SLC12A6: variants seen among roughly 807,000 people sequenced by gnomAD.
SLC12A6 encodes the protein solute carrier family 12 member 6.
A neutral mutation model predicts 135.3 loss-of-function variants in SLC12A6; 66 were observed. That is an observed-to-expected ratio of 0.49 (90% CI 0.40 to 0.60). The LOEUF is 0.60. Ranked by LOEUF, SLC12A6 falls within the 20% of genes least tolerant of loss-of-function variation. The probability of loss-of-function intolerance (pLI) is 0.00; values close to 1 mark genes in which losing one functional copy is unlikely to be tolerated. For synonymous variants in SLC12A6, 513 were observed against 508.8 expected (o/e 1.01, Z -0.11); for missense variants, 1,058 against 1,452.3 (o/e 0.73, Z 4.41).
intron 3 of SLC12A6, among the ~76,000 whole-genome samples, chr15:34,265,402 TAAAAAAAA>T (rs35044445): frequency 1.7e-5 from 2 of 119,826 alleles, no homozygotes; most frequent in East Asian, 4.4e-4. Context: ...CAACAGCAAT[TAAAAAAAA>T]AAAAACAAAC....
chr15:34,286,414 T>C (rs1895083116), intron 2 of SLC12A6, among the ~76,000 whole-genome samples: 2 of 152,032 alleles, frequency 1.3e-5, no homozygotes, highest in African/African-American at 4.8e-5. Context: ...AAAAATTGTA[T>C]TTGACTCCGT....
At position 34,233,142 on chromosome 15, in the gene SLC12A6, G is replaced by T. The variant is rs1891046583; in HGVS notation, c.*739C>A. On this transcript the variant is annotated 3_prime_UTR_variant, in exon 26 of 26. Coordinates refer to ENST00000354181, the MANE Select transcript of SLC12A6 (RefSeq NM_001365088.1). ...TCGGCCATTTGAAAGGAACCTGAAAGAAATAATTTTTACCTTACCAAAAAC... is the reference window on the plus strand; with the variant it reads ...TCGGCCATTTGAAAGGAACCTGAAATAAATAATTTTTACCTTACCAAAAAC... The T allele has an allele frequency of 6.6e-6, 1 of 152,184 alleles. No homozygotes were observed. The highest frequency in any genetic ancestry group is 2.1e-4 in the South Asian group (1 of 4,828). 9.4% of individuals were successfully genotyped at this position (152,184 alleles called of 1,614,324 possible).
chr15:34,309,235 T>C lies in SLC12A6; in HGVS notation c.271+27175A>G, dbSNP rs185115149. On this transcript the variant is annotated intron_variant, in intron 2 of 25. Transcript: ENST00000354181. ...CAAGAAATTCTCGATTCTTTAAATT[T>C]ACCAGCTTATAATCAATTTGTTAAC... is the stretch of plus-strand genomic sequence containing the variant. 7.2e-3 allele frequency among the ~76,000 whole-genome samples: 1,097 copies of C among 152,312 alleles called. 10 individuals carry two copies. Among genetic ancestry groups the C allele is most frequent in the Non-Finnish European group, 0.011 (748 of 68,024 alleles).
intron 2 of SLC12A6, among the ~76,000 whole-genome samples, chr15:34,295,747 C>T (rs1895835404): frequency 6.6e-6 from 1 of 152,060 alleles, no homozygotes; most frequent in South Asian, 2.1e-4. Flanking sequence ...ACCTGTAATC[C>T]CAGCACTTTG....
intron 2 of SLC12A6, among the ~76,000 whole-genome samples, chr15:34,304,266 A>C: frequency 6.6e-6 from 1 of 152,182 alleles, no homozygotes; most frequent in East Asian, 1.9e-4. Context: ...TTTTATTGCC[A>C]AATAATATTC....
rs1339423432 is a variant in SLC12A6, at chr15:34,254,478, C to T, written c.988G>A (p.Val330Ile). The T allele has an allele frequency of 1.4e-5, 23 of 1,613,892 alleles. No individual in the cohort carries two copies. Among genetic ancestry groups the T allele is most frequent in the Non-Finnish European group, 1.8e-5 (21 of 1,179,780 alleles). ...CGTACGCCGATAAATACCACTAATA[C>T]CATAAGGACCAAGAAAGCTGTGCCG... ...VYGTAFLVLM[V>I]LVVFIGVRYV... The change falls in exon 9 of 26, where the codon GTA (valine) becomes ATA (isoleucine). Residue 330 changes from valine to isoleucine, a missense_variant. This residue lies in a region of SLC12A6 where 297 missense variants were observed against 318.5 expected (regional missense o/e 0.93). Transcript: ENST00000354181.
intron 6 of SLC12A6, among the ~76,000 whole-genome samples, chr15:34,256,739 T>C (rs1225818852): frequency 6.6e-6 from 1 of 152,180 alleles, no homozygotes; most frequent in Non-Finnish European, 1.5e-5. Context: ...TAGCACAGTA[T>C]AGAATGCGCT....
At chr15:34,336,785 C>G in intron 1 of SLC12A6, 33 bp from the exon 2 acceptor site, 2 of 898,722 alleles carry the variant, frequency 2.2e-6, no homozygotes, top group South Asian at 2.8e-5. Flanking sequence ...AAAAATAACA[C>G]ATTTCAATAA....
intron 13 of SLC12A6, among the ~76,000 whole-genome samples, chr15:34,247,554 A>G (rs1320683911): frequency 6.6e-6 from 1 of 152,002 alleles, no homozygotes; most frequent in South Asian, 2.1e-4. Flanking sequence ...AAAACAACAA[A>G]TGCACATCTG....
intron 25 of SLC12A6, among the ~76,000 whole-genome samples, chr15:34,234,371 C>A (rs1356890114): frequency 2.0e-5 from 3 of 151,952 alleles, no homozygotes; most frequent in African/African-American, 7.2e-5. Context: ...AAACCTTTTT[C>A]TTTTCTTTCT....
intron 2 of SLC12A6, among the ~76,000 whole-genome samples, chr15:34,334,905 T>C (rs542778849): frequency 2.0e-5 from 3 of 152,334 alleles, no homozygotes; most frequent in African/African-American, 7.2e-5. Context: ...TCTGCTGGTC[T>C]AACACATTAC....
chr15:34,312,036 T>G (rs1888295532), intron 2 of SLC12A6, among the ~76,000 whole-genome samples: 1 of 152,226 alleles, frequency 6.6e-6, no homozygotes, highest in Non-Finnish European at 1.5e-5. Flanking sequence ...ATGTATTAAG[T>G]GCTTTATAGA....
chr15:34,252,140 A>C, intron 10 of SLC12A6, 30 bp downstream of exon 10: 1 of 1,210,050 alleles, frequency 8.3e-7, no homozygotes, highest in South Asian at 1.2e-5. Context: ...GAAAATAGGA[A>C]AAAACTTGTC....
At chr15:34,243,908 A>G in intron 16 of SLC12A6, 66 bp downstream of exon 16, 1 of 953,930 alleles carries the variant, frequency 1.0e-6, no homozygotes. Context: ...AGACTCTCCT[A>G]GTTTTCTAGT....
At chr15:34,310,454 G>T (rs189199089) in intron 2 of SLC12A6, among the ~76,000 whole-genome samples, 1 of 79,972 alleles carries the variant, frequency 1.3e-5, no homozygotes, top group South Asian at 5.1e-4. Flanking sequence ...TGTCCAGGCT[G>T]GTGTTGAACT....
At chr15:34,247,332 A>G (rs927767471) in intron 13 of SLC12A6, among the ~76,000 whole-genome samples, 5 of 152,076 alleles carry the variant, frequency 3.3e-5, no homozygotes, top group African/African-American at 4.8e-5. Flanking sequence ...CCTGGCTAAC[A>G]CAGTGAAACC....
intron 13 of SLC12A6, among the ~76,000 whole-genome samples, chr15:34,247,026 A>G (rs561349022): frequency 2.6e-5 from 4 of 152,240 alleles, no homozygotes; most frequent in South Asian, 4.2e-4. Flanking sequence ...AATCACTACT[A>G]AACTGCTGTC....
intron 3 of SLC12A6, among the ~76,000 whole-genome samples, chr15:34,265,416 C>CAAAAAAAAA (rs1035614224): frequency 9.6e-6 from 1 of 103,668 alleles, no homozygotes; most frequent in African/African-American, 4.2e-5. Context: ...AAAAAAAAAA[C>CAAAAAAAAA]AAACAAAAAA....
intron 18 of SLC12A6, 99 bp downstream of exon 18, chr15:34,241,134 T>A: frequency 1.3e-6 from 1 of 749,886 alleles, no homozygotes; most frequent in Non-Finnish European, 2.4e-6. Context: ...TTATACCAAT[T>A]CCTTGAGCCA....
Sources: gnomAD v4.1 joint callset for allele counts (sites outside exome capture counted in the v4.1 genomes callset) on GRCh38, gnomAD v4.1.1 for gene constraint, gnomAD v4.1.1 regional missense constraint, MANE v1.5 for transcripts, NCBI Gene and HGNC (gene_info 2026-07-23, HGNC 2026-07-21) for gene names.